Variants in PTPRG observed in about 807,000 individuals in gnomAD.
PTPRG encodes receptor-type tyrosine-protein phosphatase gamma.
PTPRG carries 102 observed loss-of-function variants against 165.3 expected under a neutral mutation model. The ratio of observed to expected loss-of-function variants is 0.62; its 90% CI spans 0.53 to 0.73. The LOEUF is 0.73. Ranked by LOEUF, PTPRG falls within the 30% of genes least tolerant of loss-of-function variation. PTPRG has a pLI of 0.00. For missense variants in PTPRG, 1,866 were observed against 1,861.4 expected, an observed-to-expected ratio of 1.00 and a Z score of -0.05; for synonymous variants, 675 against 669.5, an observed-to-expected ratio of 1.01 and a Z score of -0.13.
At chr3:61,562,457 G>A (rs1699782734) in intron 1 of PTPRG, 85 bp downstream of exon 1, 1 of 1,331,088 alleles carries the variant, frequency 7.5e-7, no homozygotes, top group Non-Finnish European at 1.1e-6. Context: ...GAGCTCCGGC[G>A]CCCGTCCGGG....
intron 4 of PTPRG, among the ~76,000 whole-genome samples, chr3:62,012,247 G>A (rs745477379): frequency 1.3e-5 from 2 of 152,160 alleles, no homozygotes; most frequent in Non-Finnish European, 2.9e-5. Flanking sequence ...GAGACTTCCT[G>A]TTAGTACTCC....
At chr3:61,608,813 G>C (rs902434699) in intron 1 of PTPRG, among the ~76,000 whole-genome samples, 1 of 152,222 alleles carries the variant, frequency 6.6e-6, no homozygotes, top group Non-Finnish European at 1.5e-5. Context: ...AGGCTAAGCT[G>C]CCACTAATTC....
intron 2 of PTPRG, among the ~76,000 whole-genome samples, chr3:61,769,002 A>G (rs1296509096): frequency 1.3e-5 from 2 of 152,066 alleles, no homozygotes; most frequent in Non-Finnish European, 2.9e-5. Flanking sequence ...CATTAGAAGT[A>G]TTTTCCTTTC....
chr3:61,787,222 T>C (rs1275073587), intron 2 of PTPRG, among the ~76,000 whole-genome samples: 2 of 152,222 alleles, frequency 1.3e-5, no homozygotes, highest in African/African-American at 2.4e-5. Flanking sequence ...GAAGGAATTA[T>C]GGTGATGAAT....
chr3:61,756,561 C>A lies in PTPRG; in HGVS notation c.190+7579C>A, dbSNP rs115082146. On this transcript the variant is annotated intron_variant, in intron 2 of 29. Coordinates refer to ENST00000474889, the MANE Select transcript of PTPRG (RefSeq NM_002841.4). Reference sequence around the variant, plus strand: ...TGTTCTCTCTACTTAGAGTTCTTTTCTTATTTTTTTTAAACTTTCATCCTT... The same window carrying A: ...TGTTCTCTCTACTTAGAGTTCTTTTATTATTTTTTTTAAACTTTCATCCTT... Among the ~76,000 whole-genome samples the A allele has an allele frequency of 7.1e-3, 1,083 of 152,146 alleles. 7 individuals are homozygous for A. Among genetic ancestry groups the A allele is most frequent in the Non-Finnish European group, 0.013 (856 of 67,984 alleles).
intron 1 of PTPRG, among the ~76,000 whole-genome samples, chr3:61,643,717 T>A (rs569634749): frequency 1.6e-4 from 24 of 151,778 alleles, no homozygotes; most frequent in Admixed American, 1.3e-3. Flanking sequence ...TGAGCTGAAA[T>A]TGCACCAGTG....
chr3:62,125,079 C>G (rs1703236717), intron 5 of PTPRG, among the ~76,000 whole-genome samples: 2 of 152,148 alleles, frequency 1.3e-5, no homozygotes, highest in African/African-American at 4.8e-5. Flanking sequence ...ATAATTTGAG[C>G]TGAGGGCCCC....
chr3:61,575,401 T>TA (rs903972462), intron 1 of PTPRG, among the ~76,000 whole-genome samples: 13 of 151,496 alleles, frequency 8.6e-5, no homozygotes, highest in Admixed American at 1.3e-4. Context: ...AATGTGTATT[T>TA]AAAAAAAAAT....
intron 16 of PTPRG, among the ~76,000 whole-genome samples, chr3:62,256,802 CATTTA>C (rs1701546654): frequency 6.6e-6 from 1 of 152,122 alleles, no homozygotes; most frequent in African/African-American, 2.4e-5. Context: ...GTTTTGACAC[CATTTA>C]ATTATTCAAA....
chr3:61,847,259 C>T (rs1004644696), intron 2 of PTPRG, among the ~76,000 whole-genome samples: 3 of 152,142 alleles, frequency 2.0e-5, no homozygotes, highest in Admixed American at 1.3e-4. Flanking sequence ...GAGAACACCA[C>T]ACAAATGTTA....
intron 4 of PTPRG, among the ~76,000 whole-genome samples, chr3:62,052,361 CCAG>C (rs1700494158): frequency 6.6e-6 from 1 of 152,114 alleles, no homozygotes; most frequent in African/African-American, 2.4e-5. Context: ...AGAACTTGTA[CCAG>C]TTGGGTAGTA....
chr3:61,797,581 A>ACCACCCCCCCC (rs2035088327), intron 2 of PTPRG, among the ~76,000 whole-genome samples: 1 of 127,376 alleles, frequency 7.9e-6, no homozygotes, highest in African/African-American at 3.0e-5. Context: ...TTATCTCCAC[A>ACCACCCCCCCC]CCCCCCCCCA....
intron 16 of PTPRG, among the ~76,000 whole-genome samples, chr3:62,256,946 A>G (rs1455743851): frequency 6.6e-6 from 1 of 152,172 alleles, no homozygotes; most frequent in Non-Finnish European, 1.5e-5. Flanking sequence ...CTGCAGCTAA[A>G]AGCTTTAATC....
intron 4 of PTPRG, among the ~76,000 whole-genome samples, chr3:62,058,837 C>T (rs1162474912): frequency 1.3e-5 from 2 of 152,212 alleles, no homozygotes; most frequent in Non-Finnish European, 2.9e-5. Flanking sequence ...TCTGAACCCA[C>T]TGAAGTTGAG....
At chr3:62,141,688 T>G (rs1430319569) in intron 6 of PTPRG, among the ~76,000 whole-genome samples, 1 of 150,612 alleles carries the variant, frequency 6.6e-6, no homozygotes, top group African/African-American at 2.4e-5. Flanking sequence ...TCCCTTCAGG[T>G]CAGGAGTTCG....
chr3:61,571,423 C>T (rs1428393512), intron 1 of PTPRG, among the ~76,000 whole-genome samples: 1 of 152,144 alleles, frequency 6.6e-6, no homozygotes, highest in East Asian at 1.9e-4. Flanking sequence ...TTATGTATTT[C>T]ACCCTGTTAC....
chr3:62,059,842 G>T (rs1700749379), intron 4 of PTPRG, among the ~76,000 whole-genome samples: 1 of 152,154 alleles, frequency 6.6e-6, no homozygotes, highest in East Asian at 1.9e-4. Context: ...GGTTTCATAA[G>T]GGGCTTTTCC....
chr3:62,061,805 T>G (rs147736895), intron 4 of PTPRG, among the ~76,000 whole-genome samples: 3,600 of 151,728 alleles, frequency 0.024, 129 homozygotes, highest in African/African-American at 0.083. Flanking sequence ...AATTTTTGTA[T>G]TTTTAGTAGA....
chr3:61,699,772 G>A (rs2030845627), intron 1 of PTPRG, among the ~76,000 whole-genome samples: 1 of 152,150 alleles, frequency 6.6e-6, no homozygotes, highest in South Asian at 2.1e-4. Context: ...GAATTCATTG[G>A]AGTAAAAGGG....
Sources: allele counts gnomAD v4.1 joint callset (sites outside exome capture counted in the v4.1 genomes callset), GRCh38; gene constraint gnomAD v4.1.1; transcripts MANE v1.5; gene names NCBI Gene and HGNC (gene_info 2026-07-23, HGNC 2026-07-21).